The following RBFOX2 variants were observed in gnomAD, a reference collection of about 807,000 sequenced individuals.
The protein encoded by RBFOX2 is RNA binding fox-1 homolog 2.
In RBFOX2, 10 loss-of-function variants were observed where a neutral mutation model predicts 49.1. The ratio of observed to expected loss-of-function variants is 0.20; its 90% CI spans 0.13 to 0.35. The LOEUF is 0.35. Among genes scored for constraint, RBFOX2 ranks in the 10% least tolerant of loss-of-function variants. RBFOX2 has a pLI of 1.00. For synonymous variants in RBFOX2, 183 were observed against 187.4 expected (o/e 0.98, Z 0.19); for missense variants, 323 against 486.9 (o/e 0.66, Z 3.17).
rs1469269772 is a variant in RBFOX2, at chr22:35,865,646, A to T, written c.-33-55642T>A. On this transcript the variant is annotated intron_variant, in intron 1 of 13. Transcript: ENST00000359369. Reference sequence around the variant, plus strand: ...CTTAGTGACAAATGTGACCTAAACTAGTGTGGATATAACAATATTATGGTG... The same window carrying T: ...CTTAGTGACAAATGTGACCTAAACTTGTGTGGATATAACAATATTATGGTG... Among the ~76,000 whole-genome samples the T allele has an allele frequency of 2.6e-5, 4 of 152,284 alleles. No individual in the cohort carries two copies. The East Asian group carries it at 7.7e-4, about 29-fold the overall frequency.
intron 2 of RBFOX2, among the ~76,000 whole-genome samples, chr22:35,809,195 G>A (rs1951341149): frequency 6.6e-6 from 1 of 152,138 alleles, no homozygotes. Context: ...GCCTCTTCAG[G>A]TAGGTACTAT....
chr22:35,943,646 C>G (rs779918269), upstream of RBFOX2, among the ~76,000 whole-genome samples: 9 of 152,286 alleles, frequency 5.9e-5, 1 homozygote, highest in East Asian at 1.2e-3. Context: ...CGCCTGTAAT[C>G]CCAGCACTTT....
intron 1 of RBFOX2, among the ~76,000 whole-genome samples, chr22:35,935,728 G>A (rs2052983323): frequency 6.6e-6 from 1 of 152,074 alleles, no homozygotes; most frequent in Admixed American, 6.5e-5. Context: ...ATTTTCCTAT[G>A]GTCAATCAAT....
chr22:35,748,104 A>G (rs907003312), intron 9 of RBFOX2: 6 of 152,202 alleles, frequency 3.9e-5, no homozygotes, highest in Non-Finnish European at 2.9e-5. Flanking sequence ...CTAAATGAAG[A>G]AACTGCATTG....
intron 9 of RBFOX2, among the ~76,000 whole-genome samples, chr22:35,752,866 G>A (rs1935455496): frequency 6.6e-6 from 1 of 152,156 alleles, no homozygotes; most frequent in Non-Finnish European, 1.5e-5. Context: ...AAAAAGAAGA[G>A]GGAGGGCTGG....
At chr22:35,918,776 T>A (rs1353975802) in intron 1 of RBFOX2, among the ~76,000 whole-genome samples, 1 of 152,168 alleles carries the variant, frequency 6.6e-6, no homozygotes, top group Non-Finnish European at 1.5e-5. Context: ...TCAAAAGAGC[T>A]GCCACTCTGC....
chr22:35,828,470 G>C (rs1408316113), intron 1 of RBFOX2, among the ~76,000 whole-genome samples: 2 of 152,328 alleles, frequency 1.3e-5, no homozygotes, highest in South Asian at 2.1e-4. Context: ...GAAAGTTGCA[G>C]AGAGAAAGAG....
chr22:35,962,094 A>T (rs143149837), upstream of RBFOX2, among the ~76,000 whole-genome samples: 32 of 152,362 alleles, frequency 2.1e-4, no homozygotes, highest in Middle Eastern at 3.4e-3. Context: ...TTTCAGCTGA[A>T]CATCACAGTG....
At chr22:35,898,873 T>C (rs2048195926) in intron 1 of RBFOX2, among the ~76,000 whole-genome samples, 1 of 152,114 alleles carries the variant, frequency 6.6e-6, no homozygotes, top group African/African-American at 2.4e-5. Context: ...ATGCCTGTCA[T>C]CCCAGCACTT....
chr22:35,788,621 T>C (rs758726642), intron 2 of RBFOX2, among the ~76,000 whole-genome samples: 19 of 152,352 alleles, frequency 1.2e-4, no homozygotes, highest in Middle Eastern at 6.8e-3. Context: ...TAACTCTCAA[T>C]TGTCTTCTAG....
At chr22:35,867,161 G>C (rs979125635) in intron 1 of RBFOX2, among the ~76,000 whole-genome samples, 27 of 152,244 alleles carry the variant, frequency 1.8e-4, no homozygotes, top group African/African-American at 5.5e-4. Context: ...AAATGATAAA[G>C]AAAAGAACCT....
intron 1 of RBFOX2, among the ~76,000 whole-genome samples, chr22:35,855,011 C>G (rs372781781): frequency 5.3e-5 from 8 of 152,214 alleles, no homozygotes; most frequent in African/African-American, 1.9e-4. Context: ...AAAGAAATTC[C>G]ATGCATGGAT....
intron 1 of RBFOX2, among the ~76,000 whole-genome samples, chr22:35,817,008 G>T (rs1470834791): frequency 6.6e-5 from 10 of 152,302 alleles, no homozygotes; most frequent in Non-Finnish European, 5.9e-5. Context: ...GATTCAGTGG[G>T]TTGGAACAGG....
chr22:35,829,861 C>T (rs899996006), intron 1 of RBFOX2, among the ~76,000 whole-genome samples: 1 of 152,118 alleles, frequency 6.6e-6, no homozygotes, highest in African/African-American at 2.4e-5. Flanking sequence ...TCATGCCCTT[C>T]GTCCTTCCTG....
chr22:35,752,762 T>C (rs1935413058), intron 9 of RBFOX2: 1 of 451,940 alleles, frequency 2.2e-6, no homozygotes, highest in South Asian at 9.5e-5. Context: ...TTCCTTTGGA[T>C]GCAAGCATGC....
chr22:35,842,016 A>T (rs1394679075), upstream of RBFOX2, among the ~76,000 whole-genome samples: 1 of 152,194 alleles, frequency 6.6e-6, no homozygotes, highest in Non-Finnish European at 1.5e-5. Context: ...AACATGGCAA[A>T]TCCCTATCTC....
At chr22:35,901,808 G>A (rs758500564) in intron 1 of RBFOX2, among the ~76,000 whole-genome samples, 10 of 152,096 alleles carry the variant, frequency 6.6e-5, no homozygotes, top group African/African-American at 9.7e-5. Context: ...TTGGCTGGGC[G>A]CGGTGACTCA....
At position 35,885,843 on chromosome 22, in the gene RBFOX2, A is replaced by ATTTT. The variant is rs538674450; in HGVS notation, c.-34+53000_-34+53003dup. Among the ~76,000 whole-genome samples, 389 of 83,176 alleles carry ATTTT rather than the reference A, an allele frequency of 4.7e-3. 37 individuals are homozygous for ATTTT. The highest frequency in any genetic ancestry group is 7.2e-3 in the African/African-American group (136 of 18,774). The allele number at this position is 83,176 out of a possible 152,430, so 54.6% of individuals were successfully genotyped here. On this transcript the variant is annotated intron_variant, in intron 1 of 13. Transcript: ENST00000359369. ...TTGGGTTAAGTGAAACCCAAACCTA[A>ATTTT]TTTTTTTTTTTTTTTTTTTTTTTTT... is the stretch of plus-strand genomic sequence containing the variant.
At chr22:35,910,527 C>T (rs1162970255) in intron 1 of RBFOX2, among the ~76,000 whole-genome samples, 1 of 152,168 alleles carries the variant, frequency 6.6e-6, no homozygotes, top group Non-Finnish European at 1.5e-5. Flanking sequence ...CAGACTCAGA[C>T]AGCTTAAGGG....
Sources: gnomAD v4.1 joint callset for allele counts (sites outside exome capture counted in the v4.1 genomes callset) on GRCh38, gnomAD v4.1.1 for gene constraint, MANE v1.5 for transcripts, NCBI Gene and HGNC (gene_info 2026-07-23, HGNC 2026-07-21) for gene names.